Variants in FOXP1 observed in about 807,000 individuals in gnomAD.
The protein encoded by FOXP1 is forkhead box protein P1.
Under a neutral mutation model 98.2 loss-of-function variants are expected in FOXP1, and 15 were observed. The ratio of observed to expected loss-of-function variants is 0.15; its 90% CI spans 0.10 to 0.24. The LOEUF is 0.24. Among genes scored for constraint, FOXP1 ranks in the 10% least tolerant of loss-of-function variants. The pLI is 1.00. For missense variants in FOXP1, 633 were observed against 848.5 expected (o/e 0.75, Z 3.15); for synonymous variants, 371 against 314.5 (o/e 1.18, Z -1.90).
At chr3:71,084,286 T>C (rs866485151) in intron 7 of FOXP1, among the ~76,000 whole-genome samples, 8 of 152,246 alleles carry the variant, frequency 5.3e-5, no homozygotes, top group African/African-American at 1.7e-4. Flanking sequence ...CAAAGTCTTA[T>C]GATGACCATA....
chr3:71,436,188 G>C (rs1183534404), intron 3 of FOXP1, among the ~76,000 whole-genome samples: 1 of 151,856 alleles, frequency 6.6e-6, no homozygotes, highest in African/African-American at 2.4e-5. Context: ...GTCATCAAAA[G>C]GCATTGTCTC....
At chr3:71,396,530 G>C (rs1371662120) in intron 3 of FOXP1, among the ~76,000 whole-genome samples, 1 of 151,906 alleles carries the variant, frequency 6.6e-6, no homozygotes, top group Non-Finnish European at 1.5e-5. Flanking sequence ...TGTCCCGTGG[G>C]AACAAGCTTC....
chr3:71,289,090 A>G (rs1171473452), intron 5 of FOXP1, among the ~76,000 whole-genome samples: 10 of 151,898 alleles, frequency 6.6e-5, no homozygotes, highest in African/African-American at 1.7e-4. Context: ...GCTGGAGTGC[A>G]GTGGTGCGAT....
At chr3:71,124,142 T>TTA (rs1553749931) in intron 6 of FOXP1, among the ~76,000 whole-genome samples, 50 of 150,122 alleles carry the variant, frequency 3.3e-4, no homozygotes, top group Middle Eastern at 6.8e-3. Context: ...TATATTTTTT[T>TTA]AAAAAAAAAA....
intron 13 of FOXP1, among the ~76,000 whole-genome samples, chr3:70,999,041 C>T (rs1272856413): frequency 3.3e-5 from 5 of 152,192 alleles, no homozygotes; most frequent in Non-Finnish European, 7.3e-5. Flanking sequence ...GCTCCTATCA[C>T]TTTATAAGTA....
intron 3 of FOXP1, among the ~76,000 whole-genome samples, chr3:71,452,556 C>G (rs906738932): frequency 2.6e-5 from 4 of 152,000 alleles, no homozygotes; most frequent in African/African-American, 9.7e-5. Flanking sequence ...GCTTACTGAC[C>G]CCCAAAGGAG....
Position 71,001,039 on chromosome 3 carries a change from G to A in FOXP1, c.995C>T (p.Ala332Val), listed in dbSNP as rs971116457. ...TTGGGCTGTACTTCTATCGTCCAGC[G>A]CATGCTCACTGTTGAGATGTCTGCA... ...SFLKHLNSEH[A>V]LDDRSTAQCR... The change falls in exon 13 of 21, where the codon GCG becomes GTG. Residue 332 changes from alanine (A) to valine (V), a missense_variant. Ala to Val is a moderately conservative substitution (Grantham distance 64). Around this residue, in one of 6 missense-constraint regions of FOXP1, gnomAD observed 23 missense variants for 92.9 expected, o/e 0.25. Transcript: ENST00000649528. 1.2e-6 allele frequency: 2 copies of A among 1,612,582 alleles called. No individual in the cohort carries two copies. Among genetic ancestry groups the A allele is most frequent in the Middle Eastern group, 1.7e-4 (1 of 6,058 alleles).
chr3:71,395,784 A>G (rs898670976), intron 3 of FOXP1, among the ~76,000 whole-genome samples: 1 of 152,064 alleles, frequency 6.6e-6, no homozygotes, highest in Non-Finnish European at 1.5e-5. Flanking sequence ...ATCCCACATC[A>G]TATCGGTCTC....
chr3:71,329,586 A>G (rs12330248), intron 4 of FOXP1, among the ~76,000 whole-genome samples: 2,355 of 17,438 alleles, frequency 0.14, 34 homozygotes, highest in East Asian at 0.5. Flanking sequence ...CAAAATGTTG[A>G]AAAAAAAAAA....
At chr3:71,380,507 C>T (rs1242426541) in intron 3 of FOXP1, among the ~76,000 whole-genome samples, 1 of 152,126 alleles carries the variant, frequency 6.6e-6, no homozygotes, top group Non-Finnish European at 1.5e-5. Flanking sequence ...TAAGAAGGCT[C>T]CCTTTGCTTT....
intron 3 of FOXP1, among the ~76,000 whole-genome samples, chr3:71,408,172 G>A (rs966317259): frequency 3.9e-5 from 6 of 152,136 alleles, no homozygotes; most frequent in Non-Finnish European, 8.8e-5. Flanking sequence ...TTTGCAACTC[G>A]AAGACTTTTA....
intron 2 of FOXP1, among the ~76,000 whole-genome samples, chr3:71,561,201 C>T (rs997939977): frequency 2.0e-5 from 3 of 151,950 alleles, no homozygotes; most frequent in Non-Finnish European, 4.4e-5. Context: ...GGATTACAGG[C>T]ATGCACCACC....
In FOXP1 at chr3:71,028,535, A is replaced by G. The variant is rs117680456; in HGVS notation, c.869+12793T>C. On this transcript the variant is annotated intron_variant, in intron 11 of 20. Coordinates refer to ENST00000649528, the MANE Select transcript of FOXP1 (RefSeq NM_001349338.3). ...AAACTTAAGTTTTCTCATGGTTTGG[A>G]GCAGCTACAGGTATCGACAACAGCT... 1.6e-3 allele frequency among the ~76,000 whole-genome samples: 251 copies of G among 152,288 alleles called. 2 individuals are homozygous for G. Among genetic ancestry groups the G allele is most frequent in the East Asian group, 0.011 (55 of 5,184 alleles).
At chr3:71,223,265 T>C (rs2065542170) in intron 5 of FOXP1, among the ~76,000 whole-genome samples, 1 of 152,238 alleles carries the variant, frequency 6.6e-6, no homozygotes, top group African/African-American at 2.4e-5. Flanking sequence ...AGTTAGTTGC[T>C]GTTTTCCAAA....
At chr3:71,580,024 T>C (rs948219032) in intron 2 of FOXP1, among the ~76,000 whole-genome samples, 1 of 152,066 alleles carries the variant, frequency 6.6e-6, no homozygotes, top group African/African-American at 2.4e-5. Context: ...TAAGTGAACA[T>C]ATAGCCTTGC....
intron 3 of FOXP1, among the ~76,000 whole-genome samples, chr3:71,421,980 T>C (rs553740451): frequency 2.0e-5 from 3 of 152,218 alleles, no homozygotes; most frequent in Non-Finnish European, 4.4e-5. Flanking sequence ...TTTTAGGAGA[T>C]GCTTCCTTTT....
At chr3:71,133,324 C>G (rs1375793933) in intron 6 of FOXP1, among the ~76,000 whole-genome samples, 1 of 152,078 alleles carries the variant, frequency 6.6e-6, no homozygotes, top group African/African-American at 2.4e-5. Flanking sequence ...CATTTAAAAA[C>G]CTCATAATAA....
chr3:71,077,309 T>G (rs939858760), intron 7 of FOXP1, among the ~76,000 whole-genome samples: 1 of 152,198 alleles, frequency 6.6e-6, no homozygotes, highest in Non-Finnish European at 1.5e-5. Context: ...TTTAGTGCAC[T>G]CTCTCCTAAG....
At chr3:71,087,268 T>C (rs917081332) in intron 7 of FOXP1, among the ~76,000 whole-genome samples, 1 of 152,150 alleles carries the variant, frequency 6.6e-6, no homozygotes, top group African/African-American at 2.4e-5. Flanking sequence ...GTTGGGTGGG[T>C]CAGAGAACAG....
Sources: gnomAD v4.1 joint callset for allele counts (sites outside exome capture counted in the v4.1 genomes callset) on GRCh38, gnomAD v4.1.1 for gene constraint, gnomAD v4.1.1 regional missense constraint, MANE v1.5 for transcripts, NCBI Gene and HGNC (gene_info 2026-07-23, HGNC 2026-07-21) for gene names.